Variants in PCDH15 observed in about 807,000 individuals in gnomAD.
PCDH15 encodes the protein protocadherin related 15.
In PCDH15, 129 loss-of-function variants were observed where a neutral mutation model predicts 178.5. The observed-to-expected ratio is 0.72, with a 90% confidence interval of 0.63 to 0.84. The LOEUF (loss-of-function observed/expected upper bound fraction) is 0.84, where lower values mean the gene tolerates loss of function less well. Among genes scored for constraint, PCDH15 ranks in the 40% least tolerant of loss-of-function variants. The probability of loss-of-function intolerance (pLI) is 0.00; values close to 1 mark genes in which losing one functional copy is unlikely to be tolerated. For synonymous variants in PCDH15, 800 were observed against 732.0 expected, an observed-to-expected ratio of 1.09 and a Z score of -1.50; for missense variants, 2,230 against 2,099.9, an observed-to-expected ratio of 1.06 and a Z score of -1.21.
intron 1 of PCDH15, among the ~76,000 whole-genome samples, chr10:54,788,626 G>T (rs1219635836): frequency 1.3e-5 from 2 of 151,806 alleles, no homozygotes; most frequent in African/African-American, 2.4e-5. Flanking sequence ...TCAGTAATAA[G>T]ATTTAAAATG....
chr10:54,604,292 AT>A (rs2092658707), intron 2 of PCDH15, among the ~76,000 whole-genome samples: 1 of 151,830 alleles, frequency 6.6e-6, no homozygotes, highest in Non-Finnish European at 1.5e-5. Flanking sequence ...TGTTAGGTTA[AT>A]TTGGTCTCTC....
chr10:53,979,568 G>T (rs187964146), intron 21 of PCDH15, among the ~76,000 whole-genome samples: 1 of 152,148 alleles, frequency 6.6e-6, no homozygotes, highest in Non-Finnish European at 1.5e-5. Context: ...GCTAATTTTC[G>T]CATTGACAGC....
intron 2 of PCDH15, among the ~76,000 whole-genome samples, chr10:55,085,697 T>C (rs77307918): frequency 0.04 from 6,151 of 151,910 alleles, 298 homozygotes; most frequent in East Asian, 0.14. Flanking sequence ...TCCTATGAGA[T>C]TTTCATATAT....
intron 1 of PCDH15, among the ~76,000 whole-genome samples, chr10:55,295,423 T>C (rs1312018997): frequency 6.6e-6 from 1 of 152,226 alleles, no homozygotes; most frequent in Admixed American, 6.5e-5. Context: ...TTTCAATTTG[T>C]TGAGAGAAAC....
chr10:53,986,369 G>A (rs1054531870), intron 21 of PCDH15, among the ~76,000 whole-genome samples: 1 of 152,174 alleles, frequency 6.6e-6, no homozygotes. Context: ...TGCATTGTTG[G>A]TGGAAATGTA....
rs552073476 is a variant in PCDH15, at chr10:54,712,982, C to T, written c.-28-48692G>A. ...AAAACGTTGGCACAGATGAAAATTACGAAGATAGCTTTTAATTTCTACCTC... is the reference window on the plus strand; with the variant it reads ...AAAACGTTGGCACAGATGAAAATTATGAAGATAGCTTTTAATTTCTACCTC... On this transcript the variant is annotated intron_variant, in intron 1 of 37. Transcript: ENST00000644397. 1.9e-4 allele frequency among the ~76,000 whole-genome samples: 29 copies of T among 152,080 alleles called. 2 individuals are homozygous for T. The South Asian group carries it at 5.0e-3, about 26-fold the overall frequency.
At chr10:54,019,172 C>A (rs985006170) in intron 20 of PCDH15, among the ~76,000 whole-genome samples, 2 of 151,936 alleles carry the variant, frequency 1.3e-5, no homozygotes, top group African/African-American at 4.8e-5. Flanking sequence ...TTAAATAAGA[C>A]TTTTTTAAGT....
At chr10:55,317,761 G>T (rs11004805) in intron 1 of PCDH15, among the ~76,000 whole-genome samples, 39,332 of 151,456 alleles carry the variant, frequency 0.26, 6,240 homozygotes, top group Admixed American at 0.36. Context: ...TGATACAAGC[G>T]AAAAAGGTAA....
chr10:55,288,639 T>C (rs1404480863), intron 1 of PCDH15, among the ~76,000 whole-genome samples: 2 of 152,076 alleles, frequency 1.3e-5, no homozygotes, highest in Non-Finnish European at 2.9e-5. Flanking sequence ...ACTTGTTCTA[T>C]TTTAATTGGC....
chr10:54,302,357 C>G (rs149540126), intron 8 of PCDH15, among the ~76,000 whole-genome samples: 2 of 152,142 alleles, frequency 1.3e-5, no homozygotes, highest in East Asian at 3.9e-4. Context: ...TTAGACTAGA[C>G]TGTAAGTTCC....
chr10:54,437,646 G>A (rs895627093), intron 3 of PCDH15, among the ~76,000 whole-genome samples: 2 of 152,044 alleles, frequency 1.3e-5, no homozygotes, highest in Non-Finnish European at 2.9e-5. Flanking sequence ...GTCCAGTTAG[G>A]CCTGATTTTA....
intron 10 of PCDH15, among the ~76,000 whole-genome samples, chr10:54,209,888 A>G (rs1408684260): frequency 6.6e-6 from 1 of 152,124 alleles, no homozygotes; most frequent in African/African-American, 2.4e-5. Context: ...GAGTTATGAC[A>G]TTAGTGATTC....
At position 53,825,026 on chromosome 10, in the gene PCDH15, C is replaced by T. The variant is rs137947453; in HGVS notation, c.4367+2367G>A. 2,571 of 1,286,954 alleles carry T rather than the reference C, an allele frequency of 2.0e-3. 26 individuals are homozygous for T. The African/African-American group carries it at 0.025, about 12-fold the overall frequency. The allele number at this position is 1,286,954 out of a possible 1,614,324, so 79.7% of individuals were successfully genotyped here. On this transcript the variant is annotated intron_variant, in intron 32 of 37. Transcript: ENST00000644397. ...ACTTTCCTTTTAACAGTAAGTGAGT[C>T]TGTGGCAAAAGATGAAGATCACTGT...
At chr10:54,782,773 C>G (rs1251177268) in intron 1 of PCDH15, among the ~76,000 whole-genome samples, 3 of 152,012 alleles carry the variant, frequency 2.0e-5, no homozygotes, top group African/African-American at 7.2e-5. Context: ...CACAGGAGAG[C>G]TGGCCAGCCC....
intron 32 of PCDH15, chr10:53,821,779 T>TTTGAC: frequency 6.3e-7 from 1 of 1,592,820 alleles, no homozygotes; most frequent in Non-Finnish European, 8.5e-7. Context: ...TAGAGTCTTC[T>TTTGAC]TTGACGTTCA....
intron 1 of PCDH15, among the ~76,000 whole-genome samples, chr10:55,196,017 T>C (rs1461024610): frequency 1.3e-5 from 2 of 152,124 alleles, no homozygotes; most frequent in Non-Finnish European, 1.5e-5. Flanking sequence ...AAATTATCTA[T>C]AGCTTTAGAC....
intron 2 of PCDH15, among the ~76,000 whole-genome samples, chr10:55,163,911 A>G (rs2132115830): frequency 6.6e-6 from 1 of 152,302 alleles, no homozygotes; most frequent in East Asian, 1.9e-4. Flanking sequence ...AAGTATACTC[A>G]GTTAAGCAGC....
At chr10:54,402,789 T>A (rs1253180312) in intron 3 of PCDH15, among the ~76,000 whole-genome samples, 2 of 151,992 alleles carry the variant, frequency 1.3e-5, no homozygotes, top group Non-Finnish European at 1.5e-5. Flanking sequence ...CTCCACCTAC[T>A]GGCCATTCTC....
chr10:54,466,290 T>C (rs940121969), intron 3 of PCDH15, among the ~76,000 whole-genome samples: 8 of 152,028 alleles, frequency 5.3e-5, no homozygotes, highest in African/African-American at 1.7e-4. Context: ...AAAGTTTTCT[T>C]CCAGTAGTTT....
Sources: allele counts gnomAD v4.1 joint callset (sites outside exome capture counted in the v4.1 genomes callset), GRCh38; gene constraint gnomAD v4.1.1; transcripts MANE v1.5; gene names NCBI Gene and HGNC (gene_info 2026-07-23, HGNC 2026-07-21).